Variants in GCH1 observed in about 807,000 individuals in gnomAD.
GCH1 encodes GTP cyclohydrolase 1.
A neutral mutation model predicts 25.9 loss-of-function variants in GCH1; 5 were observed. That is an observed-to-expected ratio of 0.19 (90% CI 0.10 to 0.41). The LOEUF is 0.41. Among genes scored for constraint, GCH1 ranks in the 10% least tolerant of loss-of-function variants. The pLI is 1.00. For synonymous variants in GCH1, 159 were observed against 129.6 expected, an observed-to-expected ratio of 1.23 and a Z score of -1.54; for missense variants, 261 against 336.5, an observed-to-expected ratio of 0.78 and a Z score of 1.75.
chr14:54,874,685 T>C (rs1456778101), intron 1 of GCH1, among the ~76,000 whole-genome samples: 3 of 152,094 alleles, frequency 2.0e-5, no homozygotes. Context: ...CACGAGCATT[T>C]CTATACACCA....
chr14:54,898,502 A>T (rs2040518159), intron 1 of GCH1, among the ~76,000 whole-genome samples: 1 of 152,268 alleles, frequency 6.6e-6, no homozygotes, highest in South Asian at 2.1e-4. Flanking sequence ...TGTATTTAAA[A>T]CTTTGACTCT....
chr14:54,900,880 CA>C (rs2040556345), intron 1 of GCH1, among the ~76,000 whole-genome samples: 2 of 149,516 alleles, frequency 1.3e-5, no homozygotes, highest in African/African-American at 5.0e-5. Context: ...CACACACACA[CA>C]CACACACAAA....
chr14:54,872,578 T>A (rs1314301554), intron 1 of GCH1, among the ~76,000 whole-genome samples: 1 of 152,144 alleles, frequency 6.6e-6, no homozygotes, highest in Non-Finnish European at 1.5e-5. Flanking sequence ...TCAAGACCCA[T>A]CAGTGTGCTG....
intron 3 of GCH1, among the ~76,000 whole-genome samples, chr14:54,850,299 T>C (rs1318232490): frequency 6.7e-6 from 1 of 148,350 alleles, no homozygotes; most frequent in Non-Finnish European, 1.5e-5. Flanking sequence ...TATATATAAG[T>C]AGGTTCTTTT....
intron 3 of GCH1, among the ~76,000 whole-genome samples, chr14:54,850,224 G>A (rs2039706182): frequency 6.6e-6 from 1 of 151,812 alleles, no homozygotes; most frequent in Admixed American, 6.6e-5. Context: ...CGCCTGCCTT[G>A]GCCTCCCAAA....
At position 54,850,802 on chromosome 14, in the gene GCH1, A is replaced by G. The variant is rs1043214320; in HGVS notation, c.510-3672T>C. 6.6e-5 allele frequency among the ~76,000 whole-genome samples: 10 copies of G among 152,342 alleles called. No individual in the cohort carries two copies. In the East Asian group the frequency reaches 1.7e-3, roughly 26 times the overall value. ...CTTCATCCATGTCCCTACAAAGGACATGAACTCATCTTTTGTTATGGCTGC... is the reference window on the plus strand; with the variant it reads ...CTTCATCCATGTCCCTACAAAGGACGTGAACTCATCTTTTGTTATGGCTGC... On this transcript the variant is annotated intron_variant, in intron 3 of 5. Transcript: ENST00000491895.
At chr14:54,874,224 A>T (rs2040124820) in intron 1 of GCH1, among the ~76,000 whole-genome samples, 2 of 152,274 alleles carry the variant, frequency 1.3e-5, no homozygotes, top group Admixed American at 6.5e-5. Flanking sequence ...GCATATAAAC[A>T]GAATCAATGA....
At chr14:54,891,141 CAT>C (rs1242778021) in intron 1 of GCH1, among the ~76,000 whole-genome samples, 2 of 152,190 alleles carry the variant, frequency 1.3e-5, no homozygotes, top group African/African-American at 4.8e-5. Flanking sequence ...CCCACTCTGT[CAT>C]CCAGGTTGGA....
In GCH1 at chr14:54,845,990, A is replaced by G. The variant is rs541879418; in HGVS notation, c.542-138T>C. 3 of 689,278 alleles carry G rather than the reference A, an allele frequency of 4.4e-6. No homozygotes were observed. In the African/African-American group the frequency reaches 5.3e-5, roughly 12 times the overall value. 42.7% of individuals were successfully genotyped at this position (689,278 alleles called of 1,614,324 possible). On this transcript the variant is annotated intron_variant, in intron 4 of 5. Coordinates refer to ENST00000491895, the MANE Select transcript of GCH1 (RefSeq NM_000161.3). Reference sequence around the variant, plus strand: ...GCCAAGACACACCAGCTTTTACCAGACTGCTTTGTCTGCTGACTGGGCCAC... The same window carrying G: ...GCCAAGACACACCAGCTTTTACCAGGCTGCTTTGTCTGCTGACTGGGCCAC...
In GCH1 at chr14:54,842,749, G is replaced by A. The variant is rs1171511662; in HGVS notation, c.*1268C>T. The A allele has an allele frequency of 5.5e-6, 2 of 361,932 alleles. No homozygotes were observed. Among genetic ancestry groups the A allele is most frequent in the Non-Finnish European group, 9.8e-6 (2 of 203,430 alleles). The allele number at this position is 361,932 out of a possible 1,614,324, so 22.4% of individuals were successfully genotyped here. On this transcript the variant is annotated 3_prime_UTR_variant, in exon 6 of 6. Transcript: ENST00000491895. ...GGAATAACTGTGTTTGTGTTTCTGTGGAGGAGTTGCGGTTTTGTTTGTTTT... is the reference window on the plus strand; with the variant it reads ...GGAATAACTGTGTTTGTGTTTCTGTAGAGGAGTTGCGGTTTTGTTTGTTTT...
intron 1 of GCH1, among the ~76,000 whole-genome samples, chr14:54,881,638 A>C (rs1437068119): frequency 6.6e-6 from 1 of 152,202 alleles, no homozygotes; most frequent in Non-Finnish European, 1.5e-5. Flanking sequence ...ACAGACAACC[A>C]GTCACACCAT....
At chr14:54,864,957 C>T (rs552558392) in intron 2 of GCH1, among the ~76,000 whole-genome samples, 6 of 150,960 alleles carry the variant, frequency 4.0e-5, no homozygotes, top group African/African-American at 1.5e-4. Flanking sequence ...AAACATTATT[C>T]AAGTTAAAAT....
chr14:54,896,687 C>A (rs189903862), intron 1 of GCH1, among the ~76,000 whole-genome samples: 1 of 151,048 alleles, frequency 6.6e-6, no homozygotes, highest in Non-Finnish European at 1.5e-5. Context: ...CCGAGGCGGG[C>A]GGATCACAAA....
At chr14:54,885,131 C>A in intron 1 of GCH1, 1 of 269,380 alleles carries the variant, frequency 3.7e-6, no homozygotes. Context: ...CCAGTGGTGA[C>A]AGTAGGGTCC....
chr14:54,879,517 G>A (rs2040213055), intron 1 of GCH1, among the ~76,000 whole-genome samples: 1 of 151,664 alleles, frequency 6.6e-6, no homozygotes. Context: ...ACACAGTTTG[G>A]GTAAACTCAC....
chr14:54,888,636 C>A (rs1163285625), intron 1 of GCH1, among the ~76,000 whole-genome samples: 1 of 151,920 alleles, frequency 6.6e-6, no homozygotes, highest in Non-Finnish European at 1.5e-5. Context: ...CCTCAGCCTC[C>A]CGAGTAGCTG....
At chr14:54,850,368 A>G (rs1385640561) in intron 3 of GCH1, among the ~76,000 whole-genome samples, 1 of 140,666 alleles carries the variant, frequency 7.1e-6, no homozygotes, top group Non-Finnish European at 1.5e-5. Context: ...GCTGGAGTGC[A>G]ATGGCACAAT....
Position 54,845,759 on chromosome 14 carries a change from C to T in GCH1, c.626+9G>A. On this transcript the variant is annotated intron_variant, in intron 5 of 5. Transcript: ENST00000491895. ...ATTATGACGTTACTAAAGGCAGATGCAGACTTACGTTGCTTCAACCACTAC... is the reference window on the plus strand; with the variant it reads ...ATTATGACGTTACTAAAGGCAGATGTAGACTTACGTTGCTTCAACCACTAC... 2.0e-6 allele frequency: 3 copies of T among 1,483,854 alleles called. No homozygotes were observed. Among genetic ancestry groups the T allele is most frequent in the Non-Finnish European group, 2.8e-6 (3 of 1,061,076 alleles). The allele number at this position is 1,483,854 out of a possible 1,614,324, so 91.9% of individuals were successfully genotyped here.
Position 54,900,845 on chromosome 14 carries a change from T to TCACACACACACACACACA in GCH1, c.343+1458_343+1475dup, listed in dbSNP as rs3221690. Among the ~76,000 whole-genome samples the TCACACACACACACACACA allele has an allele frequency of 2.8e-4, 40 of 144,738 alleles. 2 individuals are homozygous for TCACACACACACACACACA. Among genetic ancestry groups the TCACACACACACACACACA allele is most frequent in the Admixed American group, 2.5e-3 (36 of 14,350 alleles). The allele number at this position is 144,738 out of a possible 152,430, so 95.0% of individuals were successfully genotyped here. A position where few individuals can be genotyped will look rare whatever the true frequency, so the allele number is the denominator to read the frequency against. On this transcript the variant is annotated intron_variant, in intron 1 of 5. Coordinates refer to ENST00000491895, the MANE Select transcript of GCH1 (RefSeq NM_000161.3). ...ACATTTCATTACATTGTGAAATATC[T>TCACACACACACACACACA]CACACACACACACACACACACACAC...
Sources: allele counts gnomAD v4.1 joint callset (sites outside exome capture counted in the v4.1 genomes callset), GRCh38; gene constraint gnomAD v4.1.1; transcripts MANE v1.5; gene names NCBI Gene and HGNC (gene_info 2026-07-23, HGNC 2026-07-21).